The following NRXN3 variants were observed in gnomAD, a reference collection of about 807,000 sequenced individuals.
The protein encoded by NRXN3 is neurexin III.
NRXN3 carries 32 observed loss-of-function variants against 137.6 expected under a neutral mutation model. That is an observed-to-expected ratio of 0.23 (90% CI 0.18 to 0.31). The LOEUF is 0.31. NRXN3 is among the 10% of genes least tolerant of loss of function. The probability of loss-of-function intolerance (pLI) is 1.00; values close to 1 mark genes in which losing one functional copy is unlikely to be tolerated. For missense variants in NRXN3, 1,574 were observed against 2,062.5 expected (o/e 0.76, Z 4.59); for synonymous variants, 798 against 784.5 (o/e 1.02, Z -0.29).
rs961227272 is a variant in NRXN3 at position 79,040,854 on chromosome 14, A to C, written c.3262+52713A>C. Among the ~76,000 whole-genome samples the C allele has an allele frequency of 3.4e-4, 51 of 152,066 alleles. 1 individual carries two copies. The highest frequency in any genetic ancestry group is 2.9e-5 in the Non-Finnish European group (2 of 68,020). Reference sequence around the variant, plus strand: ...TATTGCTTTGTTCCCCTTACTGCACATGTGTTGAGGTGGAATTTTTCATTG... The same window carrying C: ...TATTGCTTTGTTCCCCTTACTGCACCTGTGTTGAGGTGGAATTTTTCATTG... On this transcript the variant is annotated intron_variant, in intron 15 of 20. Transcript: ENST00000335750.
intron 15 of NRXN3, among the ~76,000 whole-genome samples, chr14:79,181,458 G>A (rs933044494): frequency 5.9e-5 from 9 of 152,142 alleles, no homozygotes; most frequent in East Asian, 1.9e-4. Context: ...CAAGGCAGGC[G>A]GATCGCTTGA....
At chr14:79,326,878 A>G (rs985362739) in intron 15 of NRXN3, among the ~76,000 whole-genome samples, 2 of 152,180 alleles carry the variant, frequency 1.3e-5, no homozygotes, top group African/African-American at 2.4e-5. Flanking sequence ...CCTTATTTAC[A>G]AACTGGTCCT....
chr14:79,025,714 G>A (rs765128855), intron 15 of NRXN3, among the ~76,000 whole-genome samples: 1 of 152,072 alleles, frequency 6.6e-6, no homozygotes, highest in African/African-American at 2.4e-5. Context: ...ACTGAAAATG[G>A]ATTATTTTCT....
intron 8 of NRXN3, among the ~76,000 whole-genome samples, chr14:78,746,410 A>C (rs1236658017): frequency 6.6e-6 from 1 of 152,158 alleles, no homozygotes; most frequent in African/African-American, 2.4e-5. Flanking sequence ...GTGTAACTCT[A>C]TGTGTTGACC....
intron 10 of NRXN3, among the ~76,000 whole-genome samples, chr14:78,905,468 A>G (rs542708538): frequency 1.9e-4 from 29 of 151,634 alleles, no homozygotes; most frequent in African/African-American, 6.5e-4. Context: ...AACTTTTTTG[A>G]ATAAAAGTCT....
chr14:79,005,889 C>T (rs1000797433), intron 15 of NRXN3, among the ~76,000 whole-genome samples: 1 of 152,038 alleles, frequency 6.6e-6, no homozygotes, highest in Non-Finnish European at 1.5e-5. Context: ...TCTTTCCTTT[C>T]TTTCACTAAA....
intron 15 of NRXN3, among the ~76,000 whole-genome samples, chr14:79,200,833 T>TC (rs2065885088): frequency 8.9e-6 from 1 of 112,544 alleles, no homozygotes; most frequent in Non-Finnish European, 1.8e-5. Context: ...GCTGTATTTT[T>TC]TTTTTTTTTT....
intron 4 of NRXN3, among the ~76,000 whole-genome samples, chr14:78,503,190 A>C (rs1599572454): frequency 6.6e-6 from 1 of 152,180 alleles, no homozygotes; most frequent in African/African-American, 2.4e-5. Flanking sequence ...CATAATACCT[A>C]AGGGCAAAAT....
chr14:79,694,086 A>C (rs17836282), intron 18 of NRXN3, among the ~76,000 whole-genome samples: 7,666 of 152,022 alleles, frequency 0.05, 283 homozygotes, highest in Middle Eastern at 0.16. Flanking sequence ...TGCATTTGGA[A>C]GTATTTGGAA....
intron 15 of NRXN3, among the ~76,000 whole-genome samples, chr14:79,312,362 G>T (rs1344814253): frequency 3.0e-5 from 2 of 66,750 alleles, no homozygotes; most frequent in East Asian, 1.1e-3. Flanking sequence ...CAACTATGTG[G>T]TCAATTTTGG....
intron 4 of NRXN3, among the ~76,000 whole-genome samples, chr14:78,315,893 T>C (rs2078656001): frequency 6.6e-6 from 1 of 152,262 alleles, no homozygotes; most frequent in Admixed American, 6.5e-5. Flanking sequence ...AACAGTTAAC[T>C]GATGGCAACT....
intron 19 of NRXN3, among the ~76,000 whole-genome samples, chr14:79,787,544 C>A (rs1311485365): frequency 6.6e-6 from 1 of 152,186 alleles, no homozygotes; most frequent in Non-Finnish European, 1.5e-5. Context: ...TCTCCTCATT[C>A]CCCATTGACC....
At position 79,861,009 on chromosome 14, in the gene NRXN3, A is replaced by G. The variant is rs2099412948; in HGVS notation, c.4094-333A>G. On this transcript the variant is annotated intron_variant, in intron 20 of 20. Transcript: ENST00000335750. This position sits in a 1 kb window ranked among gnomAD's most constrained non-coding sequence, Gnocchi z 5.4. ...AGTGAGAGTTGTTTACAAATATACTAATTGTTTTTCTTTTTCTTTTCCATC... is the reference window on the plus strand; with the variant it reads ...AGTGAGAGTTGTTTACAAATATACTGATTGTTTTTCTTTTTCTTTTCCATC... 2 of 1,312,494 alleles carry G rather than the reference A, an allele frequency of 1.5e-6. No individual in the cohort carries two copies. Among genetic ancestry groups the G allele is most frequent in the Admixed American group, 3.1e-5 (1 of 32,118 alleles). 81.3% of individuals were successfully genotyped at this position (1,312,494 alleles called of 1,614,324 possible).
chr14:79,218,032 T>C (rs2068847833), intron 15 of NRXN3, among the ~76,000 whole-genome samples: 1 of 152,148 alleles, frequency 6.6e-6, no homozygotes, highest in Non-Finnish European at 1.5e-5. Context: ...CACACCAATA[T>C]CCAAAGCAGA....
chr14:78,709,868 G>A (rs1161425141), intron 7 of NRXN3: 4 of 560,844 alleles, frequency 7.1e-6, no homozygotes, highest in East Asian at 6.1e-5. Flanking sequence ...CACTCACTGC[G>A]CAATTGTCTC....
chr14:78,530,131 G>T (rs1222288948), intron 4 of NRXN3, among the ~76,000 whole-genome samples: 1 of 152,158 alleles, frequency 6.6e-6, no homozygotes, highest in East Asian at 1.9e-4. Flanking sequence ...AAGAAAGAAA[G>T]AAAGAAAAAG....
intron 15 of NRXN3, among the ~76,000 whole-genome samples, chr14:79,461,916 G>A (rs2096348834): frequency 1.3e-5 from 2 of 152,136 alleles, no homozygotes; most frequent in South Asian, 4.1e-4. Context: ...TAAGTCCTGA[G>A]GCAATGATCA....
intron 5 of NRXN3, among the ~76,000 whole-genome samples, chr14:78,648,521 T>C (rs1174127378): frequency 6.6e-6 from 1 of 152,152 alleles, no homozygotes; most frequent in Non-Finnish European, 1.5e-5. Context: ...TAAAGAAGAT[T>C]CTAATTTTTT....
intron 15 of NRXN3, among the ~76,000 whole-genome samples, chr14:79,182,703 C>G (rs1241615638): frequency 6.6e-6 from 1 of 152,136 alleles, no homozygotes; most frequent in African/African-American, 2.4e-5. Context: ...TTTGGAGACC[C>G]CTTTTCTAAG....
Sources: allele counts gnomAD v4.1 joint callset (sites outside exome capture counted in the v4.1 genomes callset), GRCh38; gene constraint gnomAD v4.1.1; non-coding constraint Gnocchi (gnomAD v3.1); transcripts MANE v1.5; gene names NCBI Gene and HGNC (gene_info 2026-07-23, HGNC 2026-07-21).